The following ABCC5 variants were observed in gnomAD, a reference collection of about 807,000 sequenced individuals.
The protein encoded by ABCC5 is ATP binding cassette subfamily C member 5.
In ABCC5, 61 loss-of-function variants were observed where a neutral mutation model predicts 160.9. The observed-to-expected ratio is 0.38, with a 90% CI of 0.31 to 0.47. The LOEUF (loss-of-function observed/expected upper bound fraction) is 0.47, where lower values mean the gene tolerates loss of function less well. Ranked by LOEUF, ABCC5 falls within the 20% of genes least tolerant of loss-of-function variation. The pLI is 0.99. For synonymous variants in ABCC5, 666 were observed against 700.6 expected (o/e 0.95, Z 0.78); for missense variants, 1,308 against 1,813.3 (o/e 0.72, Z 5.06).
At chr3:183,940,485 A>T (rs6443922) in intron 25 of ABCC5, among the ~76,000 whole-genome samples, 1 of 144,084 alleles carries the variant, frequency 6.9e-6, no homozygotes, top group Non-Finnish European at 1.5e-5. Flanking sequence ...AAAAAAAAAA[A>T]AAATGAATGA....
At chr3:184,012,046 C>CACACACACACAA (rs1721797128) in intron 2 of ABCC5, among the ~76,000 whole-genome samples, 1 of 147,328 alleles carries the variant, frequency 6.8e-6, no homozygotes, top group Non-Finnish European at 1.5e-5. Context: ...CACACACACA[C>CACACACACACAA]AAATGAGTGC....
intron 26 of ABCC5, among the ~76,000 whole-genome samples, chr3:183,931,346 A>G (rs2139562): frequency 0.11 from 14,659 of 128,176 alleles, 2,480 homozygotes; most frequent in African/African-American, 0.39. Flanking sequence ...TTTTTTTTTG[A>G]GACAGAATCT....
chr3:184,016,312 T>G (rs750621725), intron 1 of ABCC5, among the ~76,000 whole-genome samples: 2 of 152,110 alleles, frequency 1.3e-5, no homozygotes, highest in Non-Finnish European at 2.9e-5. Context: ...TCTAACACAC[T>G]CATCTCTACT....
chr3:183,935,666 C>T (rs1196995785), intron 26 of ABCC5, among the ~76,000 whole-genome samples: 1 of 151,736 alleles, frequency 6.6e-6, no homozygotes, highest in African/African-American at 2.4e-5. Flanking sequence ...CATGGGCCAC[C>T]ACACCTGGCT....
At chr3:183,931,736 C>T (rs915159496) in intron 26 of ABCC5, among the ~76,000 whole-genome samples, 2 of 152,214 alleles carry the variant, frequency 1.3e-5, no homozygotes, top group African/African-American at 2.4e-5. Flanking sequence ...TGCATACACT[C>T]GTAGGTGGTA....
chr3:184,016,959 C>T (rs1300375114), intron 1 of ABCC5, among the ~76,000 whole-genome samples: 1 of 152,176 alleles, frequency 6.6e-6, no homozygotes, highest in Non-Finnish European at 1.5e-5. Context: ...CCTCCAGGCC[C>T]TCAAGCTGCA....
intron 28 of ABCC5, among the ~76,000 whole-genome samples, chr3:183,926,060 G>C (rs1234250310): frequency 6.8e-6 from 1 of 147,354 alleles, no homozygotes. Context: ...GGATGGTCTC[G>C]ACCTCCTGAC....
At chr3:183,946,665 A>AC (rs1267054391) in intron 23 of ABCC5, among the ~76,000 whole-genome samples, 1 of 150,536 alleles carries the variant, frequency 6.6e-6, no homozygotes, top group African/African-American at 2.5e-5. Flanking sequence ...TCCTACCCCC[A>AC]CCCCCCATAT....
chr3:183,932,511 G>A (rs1713270952), intron 26 of ABCC5, among the ~76,000 whole-genome samples: 1 of 152,244 alleles, frequency 6.6e-6, no homozygotes, highest in Non-Finnish European at 1.5e-5. Context: ...GTGGTTAACA[G>A]TGGGGTCGTG....
intron 5 of ABCC5, chr3:183,984,847 C>T: frequency 6.3e-7 from 1 of 1,587,660 alleles, no homozygotes; most frequent in African/African-American, 1.3e-5. Flanking sequence ...TGCAGTGAAG[C>T]CTGTTCCCAC....
At chr3:183,934,031 C>T (rs918054553) in intron 26 of ABCC5, among the ~76,000 whole-genome samples, 6 of 152,070 alleles carry the variant, frequency 3.9e-5, no homozygotes, top group Admixed American at 6.6e-5. Flanking sequence ...ACTGGCTGGG[C>T]GCGGTGGCTC....
chr3:183,929,914 G>A (rs868325085), intron 26 of ABCC5, among the ~76,000 whole-genome samples: 2 of 152,110 alleles, frequency 1.3e-5, no homozygotes, highest in Non-Finnish European at 2.9e-5. Context: ...CACTGTGCCC[G>A]GCCAGGACTA....
At chr3:183,995,115 A>T (rs926424965) in intron 2 of ABCC5, among the ~76,000 whole-genome samples, 1 of 151,942 alleles carries the variant, frequency 6.6e-6, no homozygotes, top group African/African-American at 2.4e-5. Flanking sequence ...CAAAGTGCTG[A>T]AATTACAGCT....
At chr3:183,984,981 C>T (rs577884345) in intron 5 of ABCC5, 13 of 1,158,058 alleles carry the variant, frequency 1.1e-5, no homozygotes, top group African/African-American at 4.6e-5. Context: ...ATAGCATCAG[C>T]GCCTCCCAGA....
chr3:183,983,624 ACAC>A (rs777762441), intron 5 of ABCC5: 22 of 506,032 alleles, frequency 4.3e-5, no homozygotes, highest in Non-Finnish European at 5.6e-5. Flanking sequence ...CATATGTCTA[ACAC>A]CACCTGCAGA....
At chr3:184,001,012 G>C in intron 2 of ABCC5, 1 of 392,958 alleles carries the variant, frequency 2.5e-6, no homozygotes, top group East Asian at 3.6e-5. Context: ...CAACACTTTG[G>C]GAGGCTGAGG....
At chr3:183,958,752 C>A (rs1716459812) in intron 17 of ABCC5, among the ~76,000 whole-genome samples, 1 of 151,974 alleles carries the variant, frequency 6.6e-6, no homozygotes, top group African/African-American at 2.4e-5. Context: ...GTATGTGCCA[C>A]CACGTTTGGC....
At chr3:183,924,692 G>A (rs187609629) in intron 29 of ABCC5, among the ~76,000 whole-genome samples, 1 of 152,322 alleles carries the variant, frequency 6.6e-6, no homozygotes, top group African/African-American at 2.4e-5. Context: ...AAAGATGAAT[G>A]AGCGGTGACT....
At chr3:184,012,843 C>T (rs1307830724) in intron 2 of ABCC5, among the ~76,000 whole-genome samples, 2 of 152,066 alleles carry the variant, frequency 1.3e-5, no homozygotes, top group African/African-American at 2.4e-5. Flanking sequence ...CAGTAGGGTA[C>T]AGAAAAGACT....
Sources: allele counts gnomAD v4.1 joint callset (sites outside exome capture counted in the v4.1 genomes callset), GRCh38; gene constraint gnomAD v4.1.1; transcripts MANE v1.5; gene names NCBI Gene and HGNC (gene_info 2026-07-23, HGNC 2026-07-21).